RIMS2: variants seen among roughly 807,000 people sequenced by gnomAD.
RIMS2 encodes the protein regulating synaptic membrane exocytosis 2.
In RIMS2, 59 loss-of-function variants were observed where a neutral mutation model predicts 174.4. That is an observed-to-expected ratio of 0.34 (90% CI 0.27 to 0.42). RIMS2 has a LOEUF of 0.42. Among genes scored for constraint, RIMS2 ranks in the 10% least tolerant of loss-of-function variants. RIMS2 has a pLI of 1.00. For synonymous variants in RIMS2, 606 were observed against 572.5 expected (o/e 1.06, Z -0.84); for missense variants, 1,620 against 1,666.3 (o/e 0.97, Z 0.48).
At chr8:103,954,460 A>T (rs1195823716) in intron 14 of RIMS2, among the ~76,000 whole-genome samples, 1 of 152,174 alleles carries the variant, frequency 6.6e-6, no homozygotes, top group Non-Finnish European at 1.5e-5. Flanking sequence ...ACTCAAAACC[A>T]CACAACTACA....
At chr8:103,885,377 G>A in exon 4 of RIMS2, 1 of 1,612,566 alleles carries the variant, frequency 6.2e-7, no homozygotes, top group East Asian at 2.2e-5. Flanking sequence ...TTCACAGTAT[G>A]CTACTTCGGA....
chr8:104,177,688 A>G (rs1164993417), intron 19 of RIMS2, among the ~76,000 whole-genome samples: 1 of 152,176 alleles, frequency 6.6e-6, no homozygotes, highest in African/African-American at 2.4e-5. Context: ...AAGTAAACAA[A>G]TTGTAATTCA....
intron 19 of RIMS2, among the ~76,000 whole-genome samples, chr8:104,097,113 T>C (rs923617986): frequency 1.1e-4 from 16 of 152,322 alleles, no homozygotes; most frequent in African/African-American, 3.8e-4. Flanking sequence ...AATAATCTTA[T>C]TCTATACTAC....
chr8:104,024,056 AAG>A (rs2096183988), intron 19 of RIMS2, among the ~76,000 whole-genome samples: 1 of 152,192 alleles, frequency 6.6e-6, no homozygotes. Flanking sequence ...GATTCAAGGA[AAG>A]AGAGGAATGG....
chr8:104,106,674 T>G (rs933908032), intron 19 of RIMS2, among the ~76,000 whole-genome samples: 1 of 151,946 alleles, frequency 6.6e-6, no homozygotes, highest in East Asian at 1.9e-4. Context: ...CTGTATGAAA[T>G]AATTACAGTA....
intron 2 of RIMS2, among the ~76,000 whole-genome samples, chr8:103,747,598 A>G (rs1283449790): frequency 6.6e-6 from 1 of 152,080 alleles, no homozygotes; most frequent in Non-Finnish European, 1.5e-5. Flanking sequence ...AGGCTAAGGT[A>G]ATTGTGGTGG....
At chr8:103,994,541 T>C (rs141326695) in intron 17 of RIMS2, among the ~76,000 whole-genome samples, 1 of 152,302 alleles carries the variant, frequency 6.6e-6, no homozygotes, top group African/African-American at 2.4e-5. Context: ...TCAAATTTAA[T>C]AATGTCCATT....
intron 19 of RIMS2, among the ~76,000 whole-genome samples, chr8:104,162,842 C>T (rs1435981557): frequency 6.6e-6 from 1 of 151,948 alleles, no homozygotes; most frequent in Non-Finnish European, 1.5e-5. Flanking sequence ...TTTATAAGTG[C>T]CTTAAGGTTT....
intron 1 of RIMS2, among the ~76,000 whole-genome samples, chr8:103,607,620 C>T (rs991927236): frequency 3.5e-5 from 5 of 143,350 alleles, no homozygotes; most frequent in African/African-American, 1.3e-4. Context: ...CCATTCTCCC[C>T]ATCACTTTCA....
chr8:104,173,158 G>T (rs1250552269), intron 19 of RIMS2, among the ~76,000 whole-genome samples: 1 of 151,970 alleles, frequency 6.6e-6, no homozygotes, highest in Non-Finnish European at 1.5e-5. Context: ...TTTATTTTTT[G>T]ATCAATGTAA....
intron 3 of RIMS2, among the ~76,000 whole-genome samples, chr8:103,870,233 A>C (rs1176935490): frequency 6.6e-6 from 1 of 151,716 alleles, no homozygotes; most frequent in Non-Finnish European, 1.5e-5. Flanking sequence ...CAGTTTACAC[A>C]TCTGAAAAAT....
intron 3 of RIMS2, among the ~76,000 whole-genome samples, chr8:103,771,291 T>C (rs1219917411): frequency 1.3e-5 from 2 of 152,170 alleles, no homozygotes; most frequent in Non-Finnish European, 2.9e-5. Context: ...ATTGTAAAAC[T>C]GGATTTTTTT....
intron 2 of RIMS2, among the ~76,000 whole-genome samples, chr8:103,709,043 C>G (rs867039527): frequency 1.3e-5 from 2 of 151,994 alleles, no homozygotes; most frequent in African/African-American, 2.4e-5. Context: ...GTCTTTCCTT[C>G]TGCAATGTCA....
intron 1 of RIMS2, among the ~76,000 whole-genome samples, chr8:103,630,147 A>C (rs1589352281): frequency 6.4e-5 from 3 of 46,874 alleles, no homozygotes; most frequent in African/African-American, 3.8e-4. Context: ...ACTGAAGACA[A>C]AAAAAAAAAA....
intron 15 of RIMS2, among the ~76,000 whole-genome samples, chr8:103,961,890 A>G (rs2090217956): frequency 6.6e-6 from 1 of 152,106 alleles, no homozygotes; most frequent in African/African-American, 2.4e-5. Flanking sequence ...TTATCAGTGT[A>G]CCACTTTTTA....
Position 103,752,474 on chromosome 8 carries a change from C to T in RIMS2, c.388-13753C>T, listed in dbSNP as rs539074284. ...CATATGAACTTTAAAGTAGTTTTTT[C>T]CAATTCTGTGAAGAAAGTCATTGGT... On this transcript the variant is annotated intron_variant, in intron 2 of 23. Coordinates refer to ENST00000504942, the Ensembl canonical transcript of RIMS2. Among the ~76,000 whole-genome samples the T allele has an allele frequency of 6.2e-3, 949 of 152,072 alleles. 14 individuals carry two copies. The highest frequency in any genetic ancestry group is 0.022 in the African/African-American group (899 of 41,462).
chr8:103,811,971 A>G (rs1008230969), intron 3 of RIMS2, among the ~76,000 whole-genome samples: 1 of 152,170 alleles, frequency 6.6e-6, no homozygotes, highest in Non-Finnish European at 1.5e-5. Flanking sequence ...TCTTTTTTGA[A>G]TTAGATGCCA....
exon 3 of RIMS2, chr8:103,766,286 A>G (rs2098170351): frequency 1.2e-6 from 2 of 1,613,652 alleles, no homozygotes; most frequent in Non-Finnish European, 1.7e-6. Context: ...AATCAGGAGC[A>G]TGGTTTTATA....
intron 2 of RIMS2, among the ~76,000 whole-genome samples, chr8:103,753,953 T>C (rs1256483793): frequency 2.6e-5 from 4 of 152,206 alleles, no homozygotes; most frequent in African/African-American, 9.6e-5. Flanking sequence ...ATCTTAGTTA[T>C]TTCTTGCCTT....
Sources: gnomAD v4.1 joint callset for allele counts (sites outside exome capture counted in the v4.1 genomes callset) on GRCh38, gnomAD v4.1.1 for gene constraint, MANE v1.5 for transcripts, NCBI Gene and HGNC (gene_info 2026-07-23, HGNC 2026-07-21) for gene names.